The following RAB27B variants were observed in gnomAD, a reference collection of about 807,000 sequenced individuals.
The protein encoded by RAB27B is RAB27B, member RAS oncogene family, also known as ras-related protein Rab-27B.
RAB27B carries 15 observed loss-of-function variants against 24.6 expected under a neutral mutation model. That is an observed-to-expected ratio of 0.61 (90% CI 0.41 to 0.94). The LOEUF (loss-of-function observed/expected upper bound fraction) is 0.94, where lower values mean the gene tolerates loss of function less well. Among genes scored for constraint, RAB27B ranks in the 40% least tolerant of loss-of-function variants. The probability of loss-of-function intolerance (pLI) is 0.00; values close to 1 mark genes in which losing one functional copy is unlikely to be tolerated. For missense variants in RAB27B, 261 were observed against 266.8 expected, an observed-to-expected ratio of 0.98 and a Z score of 0.15; for synonymous variants, 105 against 92.5, an observed-to-expected ratio of 1.14 and a Z score of -0.78.
intron 2 of RAB27B, among the ~76,000 whole-genome samples, chr18:54,806,081 C>A (rs1376183093): frequency 6.6e-6 from 1 of 152,180 alleles, no homozygotes; most frequent in African/African-American, 2.4e-5. Flanking sequence ...GATCTGCTTG[C>A]AACCCATGGG....
At chr18:54,731,926 C>A (rs181940429) in intron 2 of RAB27B, among the ~76,000 whole-genome samples, 1 of 152,156 alleles carries the variant, frequency 6.6e-6, no homozygotes, top group Non-Finnish European at 1.5e-5. Context: ...AATTTCTGTC[C>A]GTGATAAGTT....
In RAB27B at chr18:54,766,965, C is replaced by T. The variant is rs977449351; in HGVS notation, c.-20+48824C>T. The stretch of plus-strand genomic sequence containing the variant: ...GTTTTGCCTCTTCTTTAAATTGTGC[C>T]AAATGACAAGAATGCAGGCATTTGG... On this transcript the variant is annotated intron_variant, in intron 2 of 4. Coordinates refer to the RAB27B transcript ENST00000586570. Among the ~76,000 whole-genome samples the T allele has an allele frequency of 2.0e-5, 3 of 152,084 alleles. 1 individual carries two copies. In the South Asian group the frequency reaches 6.2e-4, roughly 32 times the overall value.
intron 1 of RAB27B, among the ~76,000 whole-genome samples, chr18:54,855,900 C>T (rs114745415): frequency 1.4e-3 from 218 of 152,308 alleles, no homozygotes; most frequent in African/African-American, 4.8e-3. Flanking sequence ...CAAGACCAGT[C>T]ATCTTTATTA....
At chr18:54,801,400 A>G (rs1909605945) in intron 2 of RAB27B, among the ~76,000 whole-genome samples, 1 of 152,176 alleles carries the variant, frequency 6.6e-6, no homozygotes, top group Admixed American at 6.5e-5. Flanking sequence ...GATTTACAAC[A>G]ATGTATATGA....
chr18:54,865,231 G>A (rs919819212), intron 1 of RAB27B, among the ~76,000 whole-genome samples: 5 of 124,878 alleles, frequency 4.0e-5, no homozygotes, highest in African/African-American at 1.5e-4. Context: ...TTACTGCAAT[G>A]GCCTTTTGTG....
At chr18:54,823,071 A>G (rs1358011245) in intron 2 of RAB27B, among the ~76,000 whole-genome samples, 2 of 152,270 alleles carry the variant, frequency 1.3e-5, no homozygotes, top group Non-Finnish European at 2.9e-5. Flanking sequence ...TTGTGAAAAC[A>G]TAGCCAGTTT....
intron 2 of RAB27B, among the ~76,000 whole-genome samples, chr18:54,732,251 G>C (rs2144993532): frequency 6.6e-6 from 1 of 152,300 alleles, no homozygotes; most frequent in South Asian, 2.1e-4. Flanking sequence ...CATGATAGTT[G>C]ATATCACAAT....
intron 1 of RAB27B, among the ~76,000 whole-genome samples, chr18:54,858,072 C>T (rs1407988277): frequency 1.3e-5 from 2 of 152,150 alleles, no homozygotes; most frequent in East Asian, 3.9e-4. Context: ...AGCTAATGGA[C>T]CTTATATTAG....
chr18:54,864,034 T>C (rs1912113531), intron 1 of RAB27B, among the ~76,000 whole-genome samples: 1 of 152,204 alleles, frequency 6.6e-6, no homozygotes, highest in Admixed American at 6.5e-5. Context: ...GACCCAGAAG[T>C]GGAATTATTG....
upstream of RAB27B, among the ~76,000 whole-genome samples, chr18:54,826,727 A>G (rs914492873): frequency 6.6e-6 from 1 of 152,252 alleles, no homozygotes; most frequent in Non-Finnish European, 1.5e-5. Context: ...CTCGGCATTC[A>G]GGATCAATAG....
At chr18:54,799,517 C>T (rs1309933375) in intron 2 of RAB27B, among the ~76,000 whole-genome samples, 1 of 149,308 alleles carries the variant, frequency 6.7e-6, no homozygotes. Flanking sequence ...ATAATAATTT[C>T]TGTTTTTTAA....
At chr18:54,885,671 T>A (rs548458445) in intron 4 of RAB27B, among the ~76,000 whole-genome samples, 1 of 152,232 alleles carries the variant, frequency 6.6e-6, no homozygotes, top group Admixed American at 6.5e-5. Flanking sequence ...GGCCATCACC[T>A]GATAATGTGT....
At chr18:54,848,421 A>G (rs576525528) in intron 1 of RAB27B, among the ~76,000 whole-genome samples, 3 of 152,334 alleles carry the variant, frequency 2.0e-5, no homozygotes, top group African/African-American at 7.2e-5. Context: ...ATTCATAAAT[A>G]GATGTACATC....
At chr18:54,803,788 A>G (rs1167512651) in intron 2 of RAB27B, among the ~76,000 whole-genome samples, 1 of 152,146 alleles carries the variant, frequency 6.6e-6, no homozygotes, top group African/African-American at 2.4e-5. Context: ...TGGGGGGATG[A>G]TGGAACCACT....
At chr18:54,751,872 T>G (rs559229343) in intron 2 of RAB27B, among the ~76,000 whole-genome samples, 1 of 152,196 alleles carries the variant, frequency 6.6e-6, no homozygotes, top group Non-Finnish European at 1.5e-5. Flanking sequence ...CAGGAAACTA[T>G]AGAAAATACT....
In RAB27B at chr18:54,890,618, A is replaced by C. The variant is rs571851389; in HGVS notation, c.*1205A>C. The stretch of plus-strand genomic sequence containing the variant: ...TTTGGAACAATTATGGATCAATTCT[A>C]TGGTCACTCTGAATTTTCATGTCAT... On this transcript the variant is annotated 3_prime_UTR_variant, in exon 6 of 6. Transcript: ENST00000262094. 6.6e-6 allele frequency: 1 copy of C among 152,266 alleles called. No homozygotes were observed. Among genetic ancestry groups the C allele is most frequent in the Admixed American group, 6.5e-5 (1 of 15,280 alleles). The allele number at this position is 152,266 out of a possible 1,614,324, so 9.4% of individuals were successfully genotyped here.
chr18:54,860,633 T>C (rs555250287), intron 1 of RAB27B, among the ~76,000 whole-genome samples: 1 of 152,238 alleles, frequency 6.6e-6, no homozygotes, highest in Non-Finnish European at 1.5e-5. Flanking sequence ...TCATTCCAAA[T>C]AAGTTAGCGG....
intron 2 of RAB27B, among the ~76,000 whole-genome samples, chr18:54,762,738 C>A (rs1908231979): frequency 6.6e-6 from 1 of 152,120 alleles, no homozygotes; most frequent in Non-Finnish European, 1.5e-5. Context: ...CCCAACACAC[C>A]GGGCCCCACT....
intron 2 of RAB27B, among the ~76,000 whole-genome samples, chr18:54,729,986 C>T (rs2144989273): frequency 6.7e-6 from 1 of 150,042 alleles, no homozygotes; most frequent in East Asian, 2.0e-4. Flanking sequence ...GTATAATTTG[C>T]TAAGGAAAGA....
Sources: allele counts gnomAD v4.1 joint callset (sites outside exome capture counted in the v4.1 genomes callset), GRCh38; gene constraint gnomAD v4.1.1; transcripts MANE v1.5; gene names NCBI Gene and HGNC (gene_info 2026-07-23, HGNC 2026-07-21).